Variants in KIF5A observed in about 807,000 individuals in gnomAD.
The protein encoded by KIF5A is kinesin heavy chain isoform 5A.
KIF5A carries 35 observed loss-of-function variants against 141.3 expected under a neutral mutation model. The observed-to-expected ratio is 0.25, with a 90% CI of 0.19 to 0.33. KIF5A has a LOEUF of 0.33. Among genes scored for constraint, KIF5A ranks in the 10% least tolerant of loss-of-function variants. The pLI is 1.00. For synonymous variants in KIF5A, 448 were observed against 500.2 expected, an observed-to-expected ratio of 0.90 and a Z score of 1.39; for missense variants, 861 against 1,314.3, an observed-to-expected ratio of 0.66 and a Z score of 5.33.
intron 28 of KIF5A, among the ~76,000 whole-genome samples, chr12:57,583,561 A>G (rs554261742): frequency 6.6e-6 from 1 of 152,020 alleles, no homozygotes; most frequent in East Asian, 1.9e-4. Flanking sequence ...CTATCAGGAG[A>G]CCCTAGGGGG....
intron 1 of KIF5A, among the ~76,000 whole-genome samples, chr12:57,553,742 C>A (rs1402863087): frequency 6.6e-6 from 1 of 152,038 alleles, no homozygotes; most frequent in Non-Finnish European, 1.5e-5. Flanking sequence ...CTGGGATACA[C>A]AAATGGAAGA....
At position 57,550,168 on chromosome 12, in the gene KIF5A, G is replaced by A. The variant is rs556888871; in HGVS notation, c.-104G>A. On this transcript the variant is annotated 5_prime_UTR_variant, in exon 1 of 29. Transcript: ENST00000455537. The surrounding 1 kb of genome is among the most constrained non-coding windows in gnomAD (Gnocchi z 4.6). ...GCCCTCAACTCTGTCCCCAGAGACT[G>A]AGCACCTGTCCTCCGCCTCGGCCTC... The A allele has an allele frequency of 6.6e-7, 1 of 1,524,604 alleles. No homozygotes were observed. The highest frequency in any genetic ancestry group is 1.7e-5 in the Admixed American group (1 of 59,850). The allele number at this position is 1,524,604 out of a possible 1,614,324, so 94.4% of individuals were successfully genotyped here. A position where few individuals can be genotyped will look rare whatever the true frequency, so the allele number is the denominator to read the frequency against.
At chr12:57,570,459 CA>C (rs1882216230) in intron 12 of KIF5A, among the ~76,000 whole-genome samples, 1 of 151,994 alleles carries the variant, frequency 6.6e-6, no homozygotes, top group Non-Finnish European at 1.5e-5. Context: ...AGTGCAGAGG[CA>C]CGATTGTGGT....
intron 27 of KIF5A, 27 bp from the exon 28 acceptor site, chr12:57,583,074 C>T (rs2140172963): frequency 6.3e-7 from 1 of 1,580,014 alleles, no homozygotes; most frequent in Middle Eastern, 1.7e-4. Flanking sequence ...TTCTATGGAG[C>T]TGATCATGGT....
intron 1 of KIF5A, among the ~76,000 whole-genome samples, chr12:57,553,911 G>A (rs1206356160): frequency 6.6e-6 from 1 of 152,156 alleles, no homozygotes; most frequent in Admixed American, 6.5e-5. Flanking sequence ...TTTCTAAGAG[G>A]AGGAGGGACT....
chr12:57,552,874 C>A (rs1038962399), intron 1 of KIF5A, among the ~76,000 whole-genome samples: 1 of 152,048 alleles, frequency 6.6e-6, no homozygotes, highest in Non-Finnish European at 1.5e-5. Flanking sequence ...GCACTGCGGC[C>A]AGCGCTGAGC....
chr12:57,582,452 A>T, intron 26 of KIF5A, 150 bp from the exon 27 acceptor site: 1 of 733,274 alleles, frequency 1.4e-6, no homozygotes, highest in Non-Finnish European at 2.4e-6. Context: ...CAAAATAATG[A>T]TGTAGCTTGG....
At chr12:57,555,161 T>TC (rs1881692829) in intron 1 of KIF5A, among the ~76,000 whole-genome samples, 1 of 151,962 alleles carries the variant, frequency 6.6e-6, no homozygotes, top group South Asian at 2.1e-4. Flanking sequence ...ATCTATATAC[T>TC]CCCCCAGATT....
chr12:57,583,087 G>T lies in KIF5A; in HGVS notation c.3021-14G>T. ...ATTTCTATGGAGCTGATCATGGTGG[G>T]TCTCTTCCTCCAGGAGTGACCTGCC... On this transcript the variant is annotated splice_polypyrimidine_tract_variant and intron_variant, in intron 27 of 28. Transcript: ENST00000455537. 1 of 1,609,204 alleles carries T rather than the reference G, an allele frequency of 6.2e-7. No individual in the cohort carries two copies. The highest frequency in any genetic ancestry group is 8.5e-7 in the Non-Finnish European group (1 of 1,175,954).
chr12:57,562,748 C>A (rs1881947350), intron 1 of KIF5A, among the ~76,000 whole-genome samples: 1 of 152,124 alleles, frequency 6.6e-6, no homozygotes, highest in African/African-American at 2.4e-5. Context: ...GTACGTGGAT[C>A]TGTTGAGGAA....
rs946663139 is a variant in KIF5A, at chr12:57,584,381, C to T, written c.*200C>T. ...TGTATCTATATATCAAAAGCTGCTGCTATGTCTCTCTTCTGTCTTATTCTC... is the reference window on the plus strand; with the variant it reads ...TGTATCTATATATCAAAAGCTGCTGTTATGTCTCTCTTCTGTCTTATTCTC... On this transcript the variant is annotated 3_prime_UTR_variant, in exon 29 of 29. Transcript: ENST00000455537. 6.6e-5 allele frequency: 10 copies of T among 152,628 alleles called. No homozygotes were observed. The highest frequency in any genetic ancestry group is 2.4e-4 in the African/African-American group (10 of 41,432). The allele number at this position is 152,628 out of a possible 1,614,324, so 9.5% of individuals were successfully genotyped here.
At chr12:57,560,739 C>T (rs1036030907) in intron 1 of KIF5A, among the ~76,000 whole-genome samples, 2 of 152,038 alleles carry the variant, frequency 1.3e-5, no homozygotes, top group Non-Finnish European at 2.9e-5. Context: ...TGGTGGCTCA[C>T]GCTTGCAATC....
chr12:57,561,674 AT>A (rs1555177224), intron 1 of KIF5A, among the ~76,000 whole-genome samples: 1 of 152,180 alleles, frequency 6.6e-6, no homozygotes, highest in African/African-American at 2.4e-5. Flanking sequence ...CTTTTTTGCC[AT>A]TAAAACTTTT....
In KIF5A at chr12:57,567,541, A is replaced by G. The variant is rs1882104252; in HGVS notation, c.637A>G (p.Ile213Val). ...GAGCCACAGCATCTTCCTCATCAAC[A>G]TCAAGCAGGAGAACATGGAAACGGA... ...SRSHSIFLINIKQENMETEQK... is the reference protein window; with the variant it reads ...SRSHSIFLINVKQENMETEQK... The change falls in exon 8 of 29, where the codon ATC becomes GTC. Residue 213 changes from isoleucine to valine, a missense_variant. Physicochemically the swap from Ile to Val is conservative, Grantham distance 29. This residue lies in a region of KIF5A where 146 missense variants were observed against 353.4 expected (regional missense o/e 0.41). Coordinates refer to ENST00000455537, the MANE Select transcript of KIF5A (RefSeq NM_004984.4). 1.9e-6 allele frequency: 3 copies of G among 1,613,364 alleles called. No homozygotes were observed. Among genetic ancestry groups the G allele is most frequent in the South Asian group, 1.1e-5 (1 of 91,026 alleles).
intron 15 of KIF5A, among the ~76,000 whole-genome samples, chr12:57,573,305 G>A (rs1033266970): frequency 2.6e-5 from 4 of 152,130 alleles, no homozygotes; most frequent in South Asian, 2.1e-4. Context: ...TGAGACAGGC[G>A]GATCGCTTGA....
At chr12:57,558,307 T>C (rs1208115690) in intron 1 of KIF5A, among the ~76,000 whole-genome samples, 1 of 151,668 alleles carries the variant, frequency 6.6e-6, no homozygotes, top group Non-Finnish European at 1.5e-5. Flanking sequence ...TTTGGGAGGC[T>C]GAGGTGGGCG....
intron 1 of KIF5A, among the ~76,000 whole-genome samples, chr12:57,560,892 A>G (rs989429823): frequency 2.6e-5 from 4 of 152,096 alleles, no homozygotes; most frequent in African/African-American, 9.7e-5. Context: ...GGTCCCAGCT[A>G]CTTGGGAGGA....
intron 1 of KIF5A, among the ~76,000 whole-genome samples, chr12:57,562,696 G>A (rs759109755): frequency 3.9e-5 from 6 of 152,256 alleles, no homozygotes; most frequent in Non-Finnish European, 5.9e-5. Flanking sequence ...CACTAACTTT[G>A]CATCTTTCAC....
At chr12:57,579,901 A>G (rs1882543001) in intron 23 of KIF5A, among the ~76,000 whole-genome samples, 1 of 152,198 alleles carries the variant, frequency 6.6e-6, no homozygotes, top group African/African-American at 2.4e-5. Flanking sequence ...AAGTCCCAAA[A>G]AAACAAAAAT....
Sources: allele counts gnomAD v4.1 joint callset (sites outside exome capture counted in the v4.1 genomes callset), GRCh38; gene constraint gnomAD v4.1.1; regional missense constraint gnomAD v4.1.1; non-coding constraint Gnocchi (gnomAD v3.1); transcripts MANE v1.5; gene names NCBI Gene and HGNC (gene_info 2026-07-23, HGNC 2026-07-21).